The following CNNM2 variants were observed in gnomAD, a reference collection of about 807,000 sequenced individuals.
CNNM2 encodes the protein metal transporter CNNM2.
CNNM2 carries 12 observed loss-of-function variants against 66.9 expected under a neutral mutation model. The observed-to-expected ratio is 0.18, with a 90% confidence interval of 0.11 to 0.29. The LOEUF is 0.29. Ranked by LOEUF, CNNM2 falls within the 10% of genes least tolerant of loss-of-function variation. CNNM2 has a pLI of 1.00. For synonymous variants in CNNM2, 557 were observed against 501.8 expected (o/e 1.11, Z -1.47); for missense variants, 705 against 1,167.7 (o/e 0.60, Z 5.77).
At chr10:103,041,391 C>G (rs1317690441) in intron 1 of CNNM2, among the ~76,000 whole-genome samples, 3 of 152,068 alleles carry the variant, frequency 2.0e-5, no homozygotes, top group Non-Finnish European at 4.4e-5. Flanking sequence ...GTTTTAAAGC[C>G]TGGGTGATTG....
At chr10:103,055,105 C>T (rs1286099092) in intron 3 of CNNM2, among the ~76,000 whole-genome samples, 3 of 152,140 alleles carry the variant, frequency 2.0e-5, no homozygotes, top group East Asian at 1.9e-4. Flanking sequence ...CCAACCCAGC[C>T]GGCACTGACT....
At chr10:102,958,984 G>T (rs1847152991) in intron 1 of CNNM2, among the ~76,000 whole-genome samples, 1 of 152,084 alleles carries the variant, frequency 6.6e-6, no homozygotes. Flanking sequence ...GTCTTGCTGT[G>T]TCACCCAGGC....
In CNNM2 at chr10:103,076,982, G is replaced by T. The variant is rs2065703394; in HGVS notation, c.2430G>T (p.Gln810His). The T allele has an allele frequency of 3.7e-6, 6 of 1,613,758 alleles. No individual in the cohort carries two copies. Among genetic ancestry groups the T allele is most frequent in the Non-Finnish European group, 4.2e-6 (5 of 1,179,844 alleles). Residue 810 changes from glutamine (Q) to histidine (H), a missense_variant, in exon 8 of 8, where the codon CAG becomes CAT. By Grantham distance (24) the Gln-to-His change is conservative. This residue lies in a region of CNNM2 where 194 missense variants were observed against 227.6 expected (regional missense o/e 0.85). Transcript: ENST00000369878. ...TCTTCTGGCCCCAGATCTCAAGACA[G>T]CAATACCAAAATGCCTTGATGGCAT... ...SDLQFVKISR[Q>H]QYQNALMASR...
At chr10:102,989,734 G>A (rs1221843083) in intron 1 of CNNM2, among the ~76,000 whole-genome samples, 2 of 151,842 alleles carry the variant, frequency 1.3e-5, no homozygotes, top group East Asian at 2.0e-4. Context: ...CCCAGGAGAC[G>A]GAGGTTGCAG....
At chr10:102,966,862 G>A (rs1278981055) in intron 1 of CNNM2, among the ~76,000 whole-genome samples, 1 of 152,150 alleles carries the variant, frequency 6.6e-6, no homozygotes, top group African/African-American at 2.4e-5. Context: ...CTCCTTGGGA[G>A]TGAGGTGGGA....
At chr10:102,942,827 C>T (rs1846476346) in intron 1 of CNNM2, among the ~76,000 whole-genome samples, 1 of 152,120 alleles carries the variant, frequency 6.6e-6, no homozygotes, top group African/African-American at 2.4e-5. Flanking sequence ...ATGATGTTGC[C>T]AGTAGAGTTA....
intron 4 of CNNM2, among the ~76,000 whole-genome samples, chr10:103,062,007 A>G (rs1257342954): frequency 6.6e-6 from 1 of 152,232 alleles, no homozygotes; most frequent in Non-Finnish European, 1.5e-5. Context: ...ACAATAAATC[A>G]TATCCTAAAC....
intron 1 of CNNM2, among the ~76,000 whole-genome samples, chr10:102,922,848 G>A (rs1845703661): frequency 1.3e-5 from 2 of 151,886 alleles, no homozygotes; most frequent in South Asian, 2.1e-4. Flanking sequence ...GGCCTGAGGT[G>A]GGAGGATTCC....
At chr10:102,968,224 T>TTTGTTGTTG (rs367990275) in intron 1 of CNNM2, among the ~76,000 whole-genome samples, 1 of 152,006 alleles carries the variant, frequency 6.6e-6, no homozygotes. Context: ...TCCACATCTT[T>TTTGTTGTTG]TTGTTGTTGT....
intron 1 of CNNM2, among the ~76,000 whole-genome samples, chr10:102,968,447 A>G (rs1392844329): frequency 1.3e-5 from 2 of 152,048 alleles, no homozygotes; most frequent in Admixed American, 1.3e-4. Context: ...GGGTTTCACC[A>G]TATTGACCAG....
At chr10:103,067,563 C>T (rs551513788) in intron 4 of CNNM2, among the ~76,000 whole-genome samples, 4 of 152,294 alleles carry the variant, frequency 2.6e-5, no homozygotes, top group African/African-American at 4.8e-5. Flanking sequence ...GTAAAGGATG[C>T]CTCACACAGT....
intron 1 of CNNM2, among the ~76,000 whole-genome samples, chr10:102,925,296 CAA>C (rs10624810): frequency 5.6e-5 from 1 of 17,758 alleles, no homozygotes; most frequent in Non-Finnish European, 1.0e-4. Flanking sequence ...AACTCCATCT[CAA>C]AAAAAAAAAA....
intron 1 of CNNM2, among the ~76,000 whole-genome samples, chr10:102,962,557 A>G (rs537286914): frequency 2.9e-4 from 44 of 152,310 alleles, no homozygotes; most frequent in Admixed American, 1.6e-3. Flanking sequence ...AGCAGAAACA[A>G]TTCAAATGTT....
chr10:102,919,032 G>A lies in CNNM2; in HGVS notation c.552G>A (p.Glu184=). Residue 184 remains glutamate (E), a synonymous_variant, in exon 1 of 8, where the codon GAG becomes GAA. Coordinates refer to ENST00000369878, the MANE Select transcript of CNNM2 (RefSeq NM_017649.5). ...EIEIKPLRKM[E]KSKSYYLCTS... ...AGATCAAACCGCTACGCAAGATGGA[G>A]AAGAGCAAGTCCTATTACCTGTGCA... 6.2e-7 allele frequency: 1 copy of A among 1,612,704 alleles called. No individual in the cohort carries two copies. Among genetic ancestry groups the A allele is most frequent in the East Asian group, 2.2e-5 (1 of 44,832 alleles).
Position 103,089,003 on chromosome 10 carries a change from T to C in CNNM2, c.*11823T>C, listed in dbSNP as rs772767023. ...AAGGAGGTTGTTTTTGGATAACAAA[T>C]AAGCATTTGTGCTATTAAACAAACA... On this transcript the variant is annotated 3_prime_UTR_variant, in exon 8 of 8. Coordinates refer to ENST00000369878, the MANE Select transcript of CNNM2 (RefSeq NM_017649.5). The C allele has an allele frequency of 4.7e-6, 1 of 210,996 alleles. No individual in the cohort carries two copies. The highest frequency in any genetic ancestry group is 9.6e-6 in the Non-Finnish European group (1 of 103,982). The allele number at this position is 210,996 out of a possible 1,614,324, so 13.1% of individuals were successfully genotyped here.
intron 4 of CNNM2, 80 bp downstream of exon 4, chr10:103,057,044 G>A (rs1240191713): frequency 8.5e-6 from 12 of 1,408,808 alleles, no homozygotes; most frequent in East Asian, 2.3e-5. Flanking sequence ...GGGTGTCACC[G>A]TGTACATACT....
At chr10:102,921,170 G>C (rs1312840563) in intron 1 of CNNM2, 9 of 460,448 alleles carry the variant, frequency 2.0e-5, no homozygotes, top group Non-Finnish European at 2.3e-5. Context: ...CCAGTAAATA[G>C]TGTTATTTGA....
chr10:103,051,209 G>C (rs939769013), intron 2 of CNNM2, among the ~76,000 whole-genome samples: 1 of 152,172 alleles, frequency 6.6e-6, no homozygotes, highest in African/African-American at 2.4e-5. Context: ...GAGGTGGGTA[G>C]ATCACAAAGT....
chr10:103,003,552 G>A (rs1412005697), intron 1 of CNNM2, among the ~76,000 whole-genome samples: 4 of 152,088 alleles, frequency 2.6e-5, no homozygotes, highest in Non-Finnish European at 1.5e-5. Flanking sequence ...AACTGGGTGC[G>A]TTGGCTCATG....
Sources: gnomAD v4.1 joint callset for allele counts (sites outside exome capture counted in the v4.1 genomes callset) on GRCh38, gnomAD v4.1.1 for gene constraint, gnomAD v4.1.1 regional missense constraint, MANE v1.5 for transcripts, NCBI Gene and HGNC (gene_info 2026-07-23, HGNC 2026-07-21) for gene names.